The following PRKCE variants were observed in gnomAD, a reference collection of about 807,000 sequenced individuals.
PRKCE encodes the protein protein kinase C epsilon, also known as protein kinase C epsilon type.
Under a neutral mutation model 85.4 loss-of-function variants are expected in PRKCE, and 16 were observed. That is an observed-to-expected ratio of 0.19 (90% CI 0.13 to 0.28). PRKCE has a LOEUF of 0.28. PRKCE is among the 10% of genes least tolerant of loss of function. The probability of loss-of-function intolerance (pLI) is 1.00; values close to 1 mark genes in which losing one functional copy is unlikely to be tolerated. For missense variants in PRKCE, 573 were observed against 975.2 expected (o/e 0.59, Z 5.49); for synonymous variants, 388 against 371.5 (o/e 1.04, Z -0.51).
rs949039535 is a variant in PRKCE at position 45,962,034 on chromosome 2, C to G, written c.413-14395C>G. On this transcript the variant is annotated intron_variant, in intron 2 of 14. Transcript: ENST00000306156. ...AGACTGTGGTAGACCTCAACCCCAG[C>G]CTCGCCTTTGCTACCTGTTCCCAGG... is the stretch of plus-strand genomic sequence containing the variant. 1.2e-4 allele frequency among the ~76,000 whole-genome samples: 18 copies of G among 152,158 alleles called. 1 individual carries two copies. The East Asian group carries it at 3.3e-3, about 28-fold the overall frequency.
chr2:46,074,684 C>G (rs1258711969), intron 10 of PRKCE, among the ~76,000 whole-genome samples: 1 of 152,148 alleles, frequency 6.6e-6, no homozygotes, highest in African/African-American at 2.4e-5. Flanking sequence ...GAGTGGCAGC[C>G]ACGAGGGCTG....
At chr2:45,934,878 C>A (rs1265646421) in intron 2 of PRKCE, among the ~76,000 whole-genome samples, 1 of 138,664 alleles carries the variant, frequency 7.2e-6, no homozygotes, top group African/African-American at 2.9e-5. Context: ...CATGGAGAGA[C>A]CATGTCTCTA....
At chr2:46,012,631 C>T (rs1705782536) in intron 10 of PRKCE, among the ~76,000 whole-genome samples, 1 of 152,130 alleles carries the variant, frequency 6.6e-6, no homozygotes, top group Non-Finnish European at 1.5e-5. Flanking sequence ...ATCAAGAAGC[C>T]CAACATCCTA....
At chr2:45,898,859 A>G (rs1318217483) in intron 2 of PRKCE, among the ~76,000 whole-genome samples, 2 of 152,226 alleles carry the variant, frequency 1.3e-5, no homozygotes, top group African/African-American at 4.8e-5. Context: ...ACTTCTGTGA[A>G]GGACCCCTGT....
chr2:45,884,953 CCATATATATATA>C (rs1477356150), intron 2 of PRKCE, among the ~76,000 whole-genome samples: 1 of 49,524 alleles, frequency 2.0e-5, no homozygotes, highest in African/African-American at 9.6e-5. Flanking sequence ...TATATGTGAT[CCATATATATATA>C]TATATATATA....
chr2:45,712,158 T>TTTG (rs1226077212), intron 1 of PRKCE, among the ~76,000 whole-genome samples: 3 of 142,604 alleles, frequency 2.1e-5, no homozygotes, highest in Non-Finnish European at 4.6e-5. Context: ...TTTTTTTTTT[T>TTTG]TTTTTTGAGA....
chr2:46,077,580 A>G (rs968791209), intron 10 of PRKCE, among the ~76,000 whole-genome samples: 1 of 152,234 alleles, frequency 6.6e-6, no homozygotes, highest in Non-Finnish European at 1.5e-5. Context: ...ATACTTGTGT[A>G]TGGCTTTGAA....
intron 2 of PRKCE, among the ~76,000 whole-genome samples, chr2:45,877,374 T>C (rs1694555815): frequency 6.6e-6 from 1 of 152,138 alleles, no homozygotes; most frequent in Non-Finnish European, 1.5e-5. Context: ...TCGTTATCTC[T>C]TCTCTCTCTG....
chr2:45,846,860 T>C (rs1691832674), intron 2 of PRKCE, among the ~76,000 whole-genome samples: 1 of 152,200 alleles, frequency 6.6e-6, no homozygotes, highest in African/African-American at 2.4e-5. Flanking sequence ...TACAGTGCCC[T>C]CGCATGTAAG....
chr2:45,684,960 G>A (rs1036090751), intron 1 of PRKCE, among the ~76,000 whole-genome samples: 8 of 152,192 alleles, frequency 5.3e-5, no homozygotes, highest in Non-Finnish European at 4.4e-5. Context: ...AGGGAGAAAC[G>A]ACACCCGCCC....
chr2:46,178,565 TTTAA>T (rs1679663063), intron 14 of PRKCE, among the ~76,000 whole-genome samples: 1 of 152,222 alleles, frequency 6.6e-6, no homozygotes, highest in Non-Finnish European at 1.5e-5. Flanking sequence ...CATATATTCT[TTTAA>T]TTCGAATGTA....
At chr2:45,975,350 T>G (rs1702376919) in intron 2 of PRKCE, among the ~76,000 whole-genome samples, 1 of 152,198 alleles carries the variant, frequency 6.6e-6, no homozygotes, top group Non-Finnish European at 1.5e-5. Context: ...ACTGGGTGTC[T>G]TAACCAACAG....
At position 45,944,322 on chromosome 2, in the gene PRKCE, T is replaced by G. The variant is rs564267826; in HGVS notation, c.413-32107T>G. On this transcript the variant is annotated intron_variant, in intron 2 of 14. Transcript: ENST00000306156. ...TCAGCGTCTCTCCAGCAGCAGGCAT[T>G]CCTTATGCATGAGCTCTACAGGAAA... is the stretch of plus-strand genomic sequence containing the variant. Among the ~76,000 whole-genome samples, 4 of 152,312 alleles carry G rather than the reference T, an allele frequency of 2.6e-5. No individual in the cohort carries two copies. In the South Asian group the frequency reaches 6.2e-4, roughly 24 times the overall value.
intron 2 of PRKCE, among the ~76,000 whole-genome samples, chr2:45,937,051 C>T (rs1573944953): frequency 6.6e-6 from 1 of 152,104 alleles, no homozygotes; most frequent in East Asian, 1.9e-4. Flanking sequence ...TTTGTGGGCT[C>T]CTGGGACAGT....
intron 1 of PRKCE, among the ~76,000 whole-genome samples, chr2:45,706,802 T>G (rs917034704): frequency 7.2e-5 from 11 of 152,192 alleles, no homozygotes; most frequent in African/African-American, 2.2e-4. Context: ...GATTTGATCA[T>G]CAATAGCAAG....
In PRKCE at chr2:45,658,575, G is replaced by A. The variant is rs112184069; in HGVS notation, c.348+6127G>A. ...TGAGCATGTGACTTAGGCTTTTTAA[G>A]CCCGTTTCTTCATCTGTAAAATGGA... On this transcript the variant is annotated intron_variant, in intron 1 of 14. Transcript: ENST00000306156. Among the ~76,000 whole-genome samples, 431 of 152,314 alleles carry A rather than the reference G, an allele frequency of 2.8e-3. 4 individuals are homozygous for A. The highest frequency in any genetic ancestry group is 0.01 in the African/African-American group (418 of 41,574).
At chr2:45,977,390 A>G (rs1355503721) in intron 3 of PRKCE, among the ~76,000 whole-genome samples, 6 of 152,186 alleles carry the variant, frequency 3.9e-5, no homozygotes, top group Non-Finnish European at 7.4e-5. Context: ...TAATCCCAGC[A>G]CTTTGGGAGG....
chr2:45,782,705 T>G (rs1200688556), intron 1 of PRKCE, among the ~76,000 whole-genome samples: 1 of 152,002 alleles, frequency 6.6e-6, no homozygotes, highest in East Asian at 1.9e-4. Flanking sequence ...GAAACTGAGT[T>G]GAGATAATCA....
At chr2:46,112,042 A>G (rs1672306143) in intron 11 of PRKCE, among the ~76,000 whole-genome samples, 2 of 152,072 alleles carry the variant, frequency 1.3e-5, no homozygotes, top group Admixed American at 1.3e-4. Context: ...GAGTTCTATC[A>G]TTTCTTGCCT....
Sources: allele counts gnomAD v4.1 joint callset (sites outside exome capture counted in the v4.1 genomes callset), GRCh38; gene constraint gnomAD v4.1.1; transcripts MANE v1.5; gene names NCBI Gene and HGNC (gene_info 2026-07-23, HGNC 2026-07-21).